The following NAA25 variants were observed in gnomAD, a reference collection of about 807,000 sequenced individuals.
The protein encoded by NAA25 is N-terminal acetyltransferase B complex subunit NAA25.
A neutral mutation model predicts 132.5 loss-of-function variants in NAA25; 30 were observed. That is an observed-to-expected ratio of 0.23 (90% CI 0.17 to 0.31). The LOEUF is 0.31. Among genes scored for constraint, NAA25 ranks in the 10% least tolerant of loss-of-function variants. NAA25 has a pLI of 1.00. For synonymous variants in NAA25, 359 were observed against 401.9 expected, an observed-to-expected ratio of 0.89 and a Z score of 1.28; for missense variants, 771 against 1,150.4, an observed-to-expected ratio of 0.67 and a Z score of 4.77.
At position 112,054,959 on chromosome 12, in the gene NAA25, T is replaced by C. The variant is rs116831739; in HGVS notation, c.1448-391A>G. On this transcript the variant is annotated intron_variant, in intron 13 of 23. Transcript: ENST00000261745. Reference sequence around the variant, plus strand: ...GACAGATGTTATCTATAGACATCATTTTTCTTCCATATGTAACTCTACTAA... The same window carrying C: ...GACAGATGTTATCTATAGACATCATCTTTCTTCCATATGTAACTCTACTAA... Among the ~76,000 whole-genome samples, 800 of 152,294 alleles carry C rather than the reference T, an allele frequency of 5.3e-3. 5 individuals are homozygous for C. Among genetic ancestry groups the C allele is most frequent in the African/African-American group, 0.018 (761 of 41,572 alleles).
At chr12:112,061,445 G>A in intron 11 of NAA25, 57 bp from the exon 12 acceptor site, 1 of 1,231,554 alleles carries the variant, frequency 8.1e-7, no homozygotes, top group Non-Finnish European at 1.2e-6. Flanking sequence ...TCTTCAGTAG[G>A]CCATAATTAA....
intron 13 of NAA25, 94 bp from the exon 14 acceptor site, chr12:112,054,662 C>A: frequency 8.9e-7 from 1 of 1,125,306 alleles, no homozygotes. Flanking sequence ...TCATCACCCC[C>A]CCCAATAAAT....
At chr12:112,100,793 G>A (rs2079284221) in intron 1 of NAA25, among the ~76,000 whole-genome samples, 1 of 151,356 alleles carries the variant, frequency 6.6e-6, no homozygotes, top group Non-Finnish European at 1.5e-5. Flanking sequence ...AGAATTTTTT[G>A]TATTTTTAGT....
intron 15 of NAA25, among the ~76,000 whole-genome samples, chr12:112,053,092 G>C (rs1017343846): frequency 6.6e-6 from 1 of 152,096 alleles, no homozygotes; most frequent in East Asian, 1.9e-4. Context: ...TAGGTTTCTC[G>C]GAATGCCTTT....
intron 9 of NAA25, 52 bp from the exon 10 acceptor site, chr12:112,072,116 G>A (rs569284549): frequency 3.0e-5 from 41 of 1,359,650 alleles, no homozygotes; most frequent in East Asian, 1.4e-4. Context: ...TGTCCTTCCC[G>A]AAGCTTAAAG....
intron 23 of NAA25, among the ~76,000 whole-genome samples, chr12:112,031,975 T>C (rs1229260819): frequency 6.6e-6 from 1 of 151,784 alleles, no homozygotes; most frequent in Non-Finnish European, 1.5e-5. Context: ...TTTTTTTTCT[T>C]TTTTTTGAGA....
Position 112,042,119 on chromosome 12 carries a change from C to CA in NAA25, c.2375-16dup. On this transcript the variant is annotated splice_polypyrimidine_tract_variant and intron_variant, in intron 19 of 23. Coordinates refer to ENST00000261745, the MANE Select transcript of NAA25 (RefSeq NM_024953.4). Reference sequence around the variant, plus strand: ...CATTGTATCCTCTAAAATTGAAAAACAAAAAATGAAAAACTTTCAATTCTA... The same window carrying CA: ...CATTGTATCCTCTAAAATTGAAAAACAAAAAAATGAAAAACTTTCAATTCTA... The CA allele has an allele frequency of 7.4e-7, 1 of 1,351,176 alleles. No homozygotes were observed. The highest frequency in any genetic ancestry group is 9.9e-7 in the Non-Finnish European group (1 of 1,009,098). 83.7% of individuals were successfully genotyped at this position (1,351,176 alleles called of 1,614,324 possible).
At chr12:112,035,777 T>C (rs1204862299) in intron 22 of NAA25, among the ~76,000 whole-genome samples, 1 of 151,842 alleles carries the variant, frequency 6.6e-6, no homozygotes, top group African/African-American at 2.4e-5. Context: ...TCCCAGGCTC[T>C]GGTGATCCTC....
chr12:112,093,642 G>A (rs1010390587), intron 1 of NAA25, among the ~76,000 whole-genome samples: 3 of 152,194 alleles, frequency 2.0e-5, no homozygotes, highest in Admixed American at 6.5e-5. Flanking sequence ...TACTTTGGGA[G>A]GCCAAGGTGG....
At chr12:112,046,910 G>A (rs1176376378) in intron 17 of NAA25, among the ~76,000 whole-genome samples, 3 of 152,138 alleles carry the variant, frequency 2.0e-5, no homozygotes. Flanking sequence ...ATTTACAGAA[G>A]TTAAATCCTT....
chr12:112,103,332 A>C (rs1427307532), intron 1 of NAA25, among the ~76,000 whole-genome samples: 1 of 152,120 alleles, frequency 6.6e-6, no homozygotes, highest in African/African-American at 2.4e-5. Flanking sequence ...CTTGGCCAAA[A>C]CTGAACACAA....
In NAA25 at chr12:112,029,491, T is replaced by C; in HGVS notation, c.*40A>G. ...TTTTGCCTGGGAAGATGGTGTCATA[T>C]TCTGTTGCAGAGTCATCAGTGCCCA... is the stretch of plus-strand genomic sequence containing the variant. On this transcript the variant is annotated 3_prime_UTR_variant, in exon 24 of 24. Transcript: ENST00000261745. 1.2e-6 allele frequency: 2 copies of C among 1,613,060 alleles called. No individual in the cohort carries two copies. Among genetic ancestry groups the C allele is most frequent in the African/African-American group, 2.7e-5 (2 of 74,968 alleles).
chr12:112,045,400 T>C (rs1048712527), intron 17 of NAA25, among the ~76,000 whole-genome samples: 2 of 150,790 alleles, frequency 1.3e-5, no homozygotes, highest in African/African-American at 2.4e-5. Context: ...GGCAGGAGAA[T>C]TGCTTGAACC....
chr12:112,061,889 T>C (rs569048694), intron 11 of NAA25, among the ~76,000 whole-genome samples: 60 of 152,332 alleles, frequency 3.9e-4, no homozygotes, highest in African/African-American at 1.3e-3. Flanking sequence ...CTTATAATTA[T>C]AGATTCATAC....
chr12:112,030,573 G>A (rs945278987), intron 23 of NAA25, among the ~76,000 whole-genome samples: 5 of 152,164 alleles, frequency 3.3e-5, no homozygotes. Context: ...AATGTTTGCT[G>A]TAGTAGAGAT....
chr12:112,054,243 T>G (rs1168902318), intron 14 of NAA25, 145 bp downstream of exon 14: 1 of 705,684 alleles, frequency 1.4e-6, no homozygotes, highest in African/African-American at 1.8e-5. Context: ...TATAAAAATC[T>G]TTCTGGTTTG....
intron 22 of NAA25, 150 bp from the exon 23 acceptor site, chr12:112,033,529 C>T (rs768507535): frequency 9.1e-5 from 50 of 551,012 alleles, no homozygotes; most frequent in Non-Finnish European, 1.4e-4. Flanking sequence ...AAATAACCAG[C>T]TAGACATTTG....
chr12:112,102,467 T>C (rs1042289792), intron 1 of NAA25, among the ~76,000 whole-genome samples: 11 of 152,214 alleles, frequency 7.2e-5, no homozygotes, highest in Admixed American at 2.0e-4. Flanking sequence ...TCTAAGAATA[T>C]TTTTGTGCAC....
chr12:112,061,485 C>T (rs1166079734), intron 11 of NAA25, 97 bp from the exon 12 acceptor site: 9 of 877,012 alleles, frequency 1.0e-5, no homozygotes, highest in Non-Finnish European at 1.6e-5. Flanking sequence ...AAAAAGACAT[C>T]AAGAAAAAAA....
Sources: gnomAD v4.1 joint callset for allele counts (sites outside exome capture counted in the v4.1 genomes callset) on GRCh38, gnomAD v4.1.1 for gene constraint, MANE v1.5 for transcripts, NCBI Gene and HGNC (gene_info 2026-07-23, HGNC 2026-07-21) for gene names.